ATAT1: variants seen among roughly 807,000 people sequenced by gnomAD.
ATAT1 encodes the protein alpha tubulin acetyltransferase 1, also known as alpha-tubulin N-acetyltransferase 1.
Under a neutral mutation model 57.2 loss-of-function variants are expected in ATAT1, and 42 were observed. The observed-to-expected ratio is 0.73, with a 90% CI of 0.57 to 0.95. ATAT1 has a LOEUF of 0.95. Ranked by LOEUF, ATAT1 falls within the 40% of genes least tolerant of loss-of-function variation. The probability of loss-of-function intolerance (pLI) is 0.00; values close to 1 mark genes in which losing one functional copy is unlikely to be tolerated. For missense variants in ATAT1, 454 were observed against 523.7 expected, an observed-to-expected ratio of 0.87 and a Z score of 1.30; for synonymous variants, 168 against 187.1, an observed-to-expected ratio of 0.90 and a Z score of 0.83.
intron 6 of ATAT1, among the ~76,000 whole-genome samples, chr6:30,630,430 G>A (rs987484089): frequency 6.6e-6 from 1 of 152,164 alleles, no homozygotes; most frequent in Non-Finnish European, 1.5e-5. Flanking sequence ...GAGGTCAGGA[G>A]TTTGAGACCA....
intron 12 of ATAT1, 107 bp from the exon 13 acceptor site, chr6:30,646,362 C>T (rs1400192595): frequency 7.6e-6 from 11 of 1,448,534 alleles, no homozygotes; most frequent in Non-Finnish European, 9.1e-6. Flanking sequence ...GCTTCATACC[C>T]ATCATGTGTC....
intron 6 of ATAT1, among the ~76,000 whole-genome samples, 189 bp downstream of exon 6, chr6:30,628,619 T>G (rs955585987): frequency 6.6e-6 from 1 of 152,182 alleles, no homozygotes; most frequent in African/African-American, 2.4e-5. Context: ...TGATTTTTTT[T>G]TTTGAGATGG....
intron 9 of ATAT1, among the ~76,000 whole-genome samples, chr6:30,642,514 G>A (rs912885020): frequency 9.9e-5 from 15 of 151,924 alleles, no homozygotes; most frequent in Admixed American, 2.6e-4. Flanking sequence ...ACGGTGGCAC[G>A]TGCCTGTAAT....
chr6:30,645,909 G>T lies in ATAT1; in HGVS notation c.947G>T (p.Gly316Val). 6.6e-7 allele frequency: 1 copy of T among 1,506,488 alleles called. No individual in the cohort carries two copies. The highest frequency in any genetic ancestry group is 8.9e-7 in the Non-Finnish European group (1 of 1,128,704). 93.3% of individuals were successfully genotyped at this position (1,506,488 alleles called of 1,614,324 possible). ...TTCTTCTACAGGGGGACTCCCCCAGGTCTGGTAGCCCAAAGCTGCTGCTAC... is the reference window on the plus strand; with the variant it reads ...TTCTTCTACAGGGGGACTCCCCCAGTTCTGGTAGCCCAAAGCTGCTGCTAC... Residue 316 changes from glycine (G) to valine (V), a missense_variant, in exon 11 of 13, where the codon GGT becomes GTT. Gly to Val is a moderately radical substitution (Grantham distance 109). This residue lies in a region of ATAT1 where 216 missense variants were observed against 222.2 expected (regional missense o/e 0.97). Coordinates refer to ENST00000330083, the MANE Select transcript of ATAT1 (RefSeq NM_001031722.4).
intron 6 of ATAT1, among the ~76,000 whole-genome samples, chr6:30,631,956 G>C (rs1762974207): frequency 6.6e-6 from 1 of 152,106 alleles, no homozygotes; most frequent in African/African-American, 2.4e-5. Flanking sequence ...AGACCAGAGA[G>C]GTAATGCGGA....
At chr6:30,634,309 G>A (rs998044980) in intron 6 of ATAT1, among the ~76,000 whole-genome samples, 2 of 151,660 alleles carry the variant, frequency 1.3e-5, no homozygotes, top group Admixed American at 1.3e-4. Context: ...CAAGTGCAGT[G>A]GTGCGATCTT....
rs368968538 is a variant in ATAT1, at chr6:30,626,917, T to G, written c.-287T>G. ...TTCCCGTTCGATGTGGACGCGCTGTTCCCGGAGCGGATCACGGTGCTGGAC... is the reference window on the plus strand; with the variant it reads ...TTCCCGTTCGATGTGGACGCGCTGTGCCCGGAGCGGATCACGGTGCTGGAC... On this transcript the variant is annotated 5_prime_UTR_variant, in exon 1 of 13. Coordinates refer to ENST00000330083, the MANE Select transcript of ATAT1 (RefSeq NM_001031722.4). 7 of 1,609,424 alleles carry G rather than the reference T, an allele frequency of 4.3e-6. No homozygotes were observed. The South Asian group carries it at 6.6e-5, about 15-fold the overall frequency.
In ATAT1 at chr6:30,646,455, TC is replaced by T. The variant is rs752034198; in HGVS notation, c.1056-10del. On this transcript the variant is annotated splice_polypyrimidine_tract_variant and intron_variant, in intron 12 of 12. Coordinates refer to ENST00000330083, the MANE Select transcript of ATAT1 (RefSeq NM_001031722.4). ...GTATTCCTATAACCCACTCTCCATC[TC>T]CCCACCTACCAGGTCTGCCAGTGAG... 99 of 1,556,936 alleles carry T rather than the reference TC, an allele frequency of 6.4e-5. No individual in the cohort carries two copies. Among genetic ancestry groups the T allele is most frequent in the Non-Finnish European group, 8.5e-5 (98 of 1,149,686 alleles).
chr6:30,631,979 T>C (rs1439425062), intron 6 of ATAT1, among the ~76,000 whole-genome samples: 1 of 151,950 alleles, frequency 6.6e-6, no homozygotes, highest in East Asian at 1.9e-4. Context: ...AGGGGCCTTA[T>C]AGGCTACTGC....
In ATAT1 at chr6:30,627,713, C is replaced by G. The variant is rs779440036; in HGVS notation, c.210C>G (p.Asp70Glu). ...GCCATGTTGTTTATATTCTCAAAGA[C>G]AGTTCAGCCCGACCGTGAGTGCCAC... Residue 70 changes from aspartate to glutamate, a missense_variant, in exon 3 of 13, where the codon GAC becomes GAG. By Grantham distance (45) the Asp-to-Glu change is conservative. Transcript: ENST00000330083. 11 of 1,612,824 alleles carry G rather than the reference C, an allele frequency of 6.8e-6. No individual in the cohort carries two copies. The South Asian group carries it at 7.7e-5, about 11-fold the overall frequency.
intron 6 of ATAT1, among the ~76,000 whole-genome samples, chr6:30,632,316 T>G (rs1763076105): frequency 6.7e-6 from 1 of 150,220 alleles, no homozygotes; most frequent in Non-Finnish European, 1.5e-5. Flanking sequence ...ATCTCATTCC[T>G]GTAATCCCAG....
At chr6:30,643,067 A>C (rs1236971457) in intron 10 of ATAT1, 56 bp downstream of exon 10, 1 of 1,545,824 alleles carries the variant, frequency 6.5e-7, no homozygotes, top group Non-Finnish European at 8.7e-7. Context: ...GATGTTAGAA[A>C]TGGCAAAGGG....
chr6:30,645,122 C>T (rs1435965674), intron 10 of ATAT1, among the ~76,000 whole-genome samples: 2 of 152,192 alleles, frequency 1.3e-5, no homozygotes, highest in Non-Finnish European at 2.9e-5. Flanking sequence ...GAGAGTGCAA[C>T]ACAGTCTGTC....
At chr6:30,637,256 C>A (rs1764303069) in intron 6 of ATAT1, among the ~76,000 whole-genome samples, 4 of 152,002 alleles carry the variant, frequency 2.6e-5, no homozygotes, top group Admixed American at 1.3e-4. Context: ...GAGGTAGGTA[C>A]TATTATTAAA....
Position 30,642,833 on chromosome 6 carries a change from G to GGGGGGGGGCGCCCCCCCCCCCCCCCCCC in ATAT1, c.754_755insGGGGGGGGCGCCCCCCCCCCCCCCCCCC (p.Ala252GlyfsTer57). ...GGCCCCTCGCCGCGCCACACCTCCA[G>GGGGGGGGGCGCCCCCCCCCCCCCCCCCC]CCCACCCACCCCCCCGCTCCAGCAG... On this transcript the variant is annotated frameshift_variant, in exon 10 of 13. Transcript: ENST00000330083. LOFTEE classifies it high-confidence loss of function. The GGGGGGGGGCGCCCCCCCCCCCCCCCCCC allele has an allele frequency of 1.3e-6, 2 of 1,537,874 alleles. No homozygotes were observed. Among genetic ancestry groups the GGGGGGGGGCGCCCCCCCCCCCCCCCCCC allele is most frequent in the Non-Finnish European group, 1.7e-6 (2 of 1,145,780 alleles).
chr6:30,637,062 A>G (rs1276224621), intron 6 of ATAT1, among the ~76,000 whole-genome samples: 1 of 152,070 alleles, frequency 6.6e-6, no homozygotes, highest in African/African-American at 2.4e-5. Context: ...CGGTCTCCCA[A>G]AGTGCTACGA....
At chr6:30,644,837 T>A (rs1766345411) in intron 10 of ATAT1, among the ~76,000 whole-genome samples, 1 of 152,170 alleles carries the variant, frequency 6.6e-6, no homozygotes, top group African/African-American at 2.4e-5. Flanking sequence ...CTGTTAGTCC[T>A]CCTGCAGATT....
intron 6 of ATAT1, 103 bp from the exon 7 acceptor site, chr6:30,640,272 ACT>A: frequency 2.4e-6 from 3 of 1,253,364 alleles, no homozygotes; most frequent in East Asian, 2.4e-5. Flanking sequence ...GTGTAAGTAC[ACT>A]CTGTGATGTT....
At position 30,627,723 on chromosome 6, in the gene ATAT1, C is replaced by G. The variant is rs1275099199; in HGVS notation, c.220C>G (p.Arg74Gly). The stretch of plus-strand genomic sequence containing the variant: ...TTATATTCTCAAAGACAGTTCAGCC[C>G]GACCGTGAGTGCCACATGCTCTTCC... The change falls in exon 3 of 13, where the codon CGA becomes GGA. Residue 74 changes from arginine to glycine, a missense_variant. Physicochemically the swap from Arg to Gly is moderately radical, Grantham distance 125. Coordinates refer to ENST00000330083, the MANE Select transcript of ATAT1 (RefSeq NM_001031722.4). The G allele has an allele frequency of 1.2e-6, 2 of 1,612,418 alleles. No homozygotes were observed. Among genetic ancestry groups the G allele is most frequent in the African/African-American group, 1.3e-5 (1 of 75,004 alleles).
Sources: allele counts gnomAD v4.1 joint callset (sites outside exome capture counted in the v4.1 genomes callset), GRCh38; gene constraint gnomAD v4.1.1; regional missense constraint gnomAD v4.1.1; transcripts MANE v1.5; gene names NCBI Gene and HGNC (gene_info 2026-07-23, HGNC 2026-07-21).